The following ASPRV1 variants were observed in gnomAD, a reference collection of about 807,000 sequenced individuals.
ASPRV1 encodes the protein aspartic peptidase retroviral like 1.
Under a neutral mutation model 11.0 loss-of-function variants are expected in ASPRV1, and 7 were observed. The observed-to-expected ratio is 0.64, with a 90% CI of 0.36 to 1.20. The LOEUF (loss-of-function observed/expected upper bound fraction) is 1.20, where lower values mean the gene tolerates loss of function less well. Among genes scored for constraint, ASPRV1 ranks in the 50% most tolerant of loss-of-function variants. The probability of loss-of-function intolerance (pLI) is 0.02; values close to 1 mark genes in which losing one functional copy is unlikely to be tolerated. For synonymous variants in ASPRV1, 136 were observed against 138.4 expected, an observed-to-expected ratio of 0.98 and a Z score of 0.12; for missense variants, 299 against 320.0, an observed-to-expected ratio of 0.93 and a Z score of 0.50.
At position 69,961,052 on chromosome 2, in the gene ASPRV1, A is replaced by G; in HGVS notation, c.385T>C (p.Ser129Pro). The stretch of plus-strand genomic sequence containing the variant: ...TGGACCACAGAGACCTGGGCCCCAG[A>G]GTCCACCAGGAACCTCACGGGCACT... ...GKVPVRFLVDSGAQVSVVHPN... is the reference protein window; with the variant it reads ...GKVPVRFLVDPGAQVSVVHPN... Residue 129 changes from serine (S) to proline (P), a missense_variant, in exon 1 of 1, where the codon TCT (serine) becomes CCT (proline). Transcript: ENST00000320256. The G allele has an allele frequency of 6.2e-7, 1 of 1,613,782 alleles. No homozygotes were observed. The highest frequency in any genetic ancestry group is 8.5e-7 in the Non-Finnish European group (1 of 1,179,904).
At chr2:70,021,414 G>T in the ASPRV1 span, among the ~76,000 whole-genome samples, 1 of 151,614 alleles carries the variant, frequency 6.6e-6, no homozygotes, top group African/African-American at 2.4e-5. Flanking sequence ...CACCTTCCGG[G>T]TTCACGACAT....
the ASPRV1 span, among the ~76,000 whole-genome samples, chr2:69,950,007 G>A: frequency 6.6e-6 from 1 of 152,002 alleles, no homozygotes; most frequent in Non-Finnish European, 1.5e-5. Context: ...GTAGGGATGG[G>A]GTTTCACTAT....
chr2:70,013,719 A>T, the ASPRV1 span, among the ~76,000 whole-genome samples: 1 of 152,174 alleles, frequency 6.6e-6, no homozygotes, highest in Non-Finnish European at 1.5e-5. Context: ...GTGAAACCCC[A>T]TCTCTACAAA....
chr2:69,956,736 T>C (rs555969368), downstream of ASPRV1, among the ~76,000 whole-genome samples: 1 of 152,286 alleles, frequency 6.6e-6, no homozygotes, highest in East Asian at 1.9e-4. Context: ...TAGTTATTTA[T>C]GGAGTAAAAA....
At chr2:70,062,315 C>CAT in the ASPRV1 span, among the ~76,000 whole-genome samples, 87 of 151,948 alleles carry the variant, frequency 5.7e-4, no homozygotes, top group African/African-American at 1.9e-3. Context: ...CAAAAAAATA[C>CAT]ATATATATAT....
the ASPRV1 span, among the ~76,000 whole-genome samples, chr2:69,989,404 G>T: frequency 6.6e-6 from 1 of 152,238 alleles, no homozygotes; most frequent in African/African-American, 2.4e-5. Context: ...CCACAGCACA[G>T]CACAGGACAG....
upstream of ASPRV1, chr2:69,963,569 C>A: frequency 2.5e-6 from 1 of 407,148 alleles, no homozygotes; most frequent in Admixed American, 2.7e-5. Flanking sequence ...GGCTTGTCAG[C>A]TGACAAGCTG....
the ASPRV1 span, among the ~76,000 whole-genome samples, chr2:70,041,382 G>A: frequency 1.3e-5 from 2 of 152,134 alleles, no homozygotes; most frequent in Non-Finnish European, 2.9e-5. Flanking sequence ...TTCCTGGTAC[G>A]TGGTCACCCA....
chr2:70,077,623 G>A, the ASPRV1 span, among the ~76,000 whole-genome samples: 1 of 152,148 alleles, frequency 6.6e-6, no homozygotes. Flanking sequence ...GGAGGCCGAG[G>A]TGGGCAGATC....
At chr2:70,052,324 T>C in the ASPRV1 span, among the ~76,000 whole-genome samples, 1 of 152,198 alleles carries the variant, frequency 6.6e-6, no homozygotes, top group African/African-American at 2.4e-5. Flanking sequence ...CAGCCCTTTA[T>C]TCTGTATTTA....
chr2:69,993,168 C>T, the ASPRV1 span, among the ~76,000 whole-genome samples: 9 of 152,208 alleles, frequency 5.9e-5, no homozygotes, highest in Non-Finnish European at 8.8e-5. Flanking sequence ...GCTGCCCTGG[C>T]TCAGGCCACG....
the ASPRV1 span, among the ~76,000 whole-genome samples, chr2:70,001,524 G>A: frequency 6.6e-6 from 1 of 152,132 alleles, no homozygotes; most frequent in African/African-American, 2.4e-5. Flanking sequence ...TTGTGAGGCC[G>A]AGGCAGGTGG....
At chr2:69,943,332 T>C in the ASPRV1 span, among the ~76,000 whole-genome samples, 1 of 152,158 alleles carries the variant, frequency 6.6e-6, no homozygotes, top group Non-Finnish European at 1.5e-5. Context: ...TTTAATGCAG[T>C]GTAATTAGTT....
the ASPRV1 span, chr2:69,976,329 C>G: frequency 6.6e-6 from 1 of 152,546 alleles, no homozygotes; most frequent in Non-Finnish European, 1.5e-5. Flanking sequence ...TCACCTGGCT[C>G]CCTCCAATCC....
chr2:69,998,270 A>T, the ASPRV1 span: 52 of 152,314 alleles, frequency 3.4e-4, no homozygotes, highest in African/African-American at 1.2e-3. Flanking sequence ...CCTATGTAAA[A>T]ATTCACTGAG....
chr2:69,973,207 T>C, the ASPRV1 span, among the ~76,000 whole-genome samples: 1 of 152,186 alleles, frequency 6.6e-6, no homozygotes, highest in Non-Finnish European at 1.5e-5. Context: ...ATATGGCCAG[T>C]TGGGTCTTAC....
At chr2:69,980,806 G>A in the ASPRV1 span, among the ~76,000 whole-genome samples, 24 of 152,124 alleles carry the variant, frequency 1.6e-4, no homozygotes, top group South Asian at 8.3e-4. Context: ...ACAGAGTTTC[G>A]CTCTTGTTGC....
chr2:69,944,370 C>T, the ASPRV1 span, among the ~76,000 whole-genome samples: 1 of 152,206 alleles, frequency 6.6e-6, no homozygotes, highest in Non-Finnish European at 1.5e-5. Flanking sequence ...GAGGGTCAGC[C>T]CACATTTACT....
At chr2:70,071,921 T>C in the ASPRV1 span, among the ~76,000 whole-genome samples, 14 of 151,084 alleles carry the variant, frequency 9.3e-5, no homozygotes, top group African/African-American at 3.4e-4. Flanking sequence ...CCAGGCAACA[T>C]AGCGAGACCC....
Sources: allele counts gnomAD v4.1 joint callset (sites outside exome capture counted in the v4.1 genomes callset), GRCh38; gene constraint gnomAD v4.1.1; transcripts MANE v1.5; gene names NCBI Gene and HGNC (gene_info 2026-07-23, HGNC 2026-07-21).